The following HMCN1 variants were observed in gnomAD, a reference collection of about 807,000 sequenced individuals.
HMCN1 encodes hemicentin 1.
In HMCN1, 321 loss-of-function variants were observed where a neutral mutation model predicts 625.9. That is an observed-to-expected ratio of 0.51 (90% CI 0.47 to 0.56). The LOEUF is 0.56. HMCN1 is among the 20% of genes least tolerant of loss of function. The pLI, the probability that HMCN1 is intolerant of heterozygous loss-of-function variation, is 0.00. For synonymous variants in HMCN1, 2,425 were observed against 2,417.6 expected (o/e 1.00, Z -0.09); for missense variants, 6,588 against 6,887.3 (o/e 0.96, Z 1.54).
At chr1:185,790,161 C>A (rs1245001056) in intron 1 of HMCN1, among the ~76,000 whole-genome samples, 1 of 152,232 alleles carries the variant, frequency 6.6e-6, no homozygotes, top group Non-Finnish European at 1.5e-5. Flanking sequence ...CTACAACTAA[C>A]AAGCCCTTCA....
intron 1 of HMCN1, among the ~76,000 whole-genome samples, chr1:185,826,686 A>G (rs755890379): frequency 1.3e-5 from 2 of 152,286 alleles, no homozygotes; most frequent in Non-Finnish European, 2.9e-5. Flanking sequence ...TGCAGTAGAG[A>G]AAGGATAGTT....
intron 36 of HMCN1, among the ~76,000 whole-genome samples, chr1:186,035,350 T>G (rs1182147378): frequency 6.6e-6 from 1 of 152,186 alleles, no homozygotes; most frequent in Non-Finnish European, 1.5e-5. Flanking sequence ...GGACATCTAC[T>G]TCTGAAAACA....
intron 4 of HMCN1, among the ~76,000 whole-genome samples, chr1:185,867,797 G>A (rs554110361): frequency 3.5e-4 from 53 of 152,292 alleles, no homozygotes; most frequent in Non-Finnish European, 6.5e-4. Flanking sequence ...CAGGCTGAGC[G>A]CAGTGGCTCA....
Position 186,106,944 on chromosome 1 carries a change from G to A in HMCN1, c.10831G>A (p.Glu3611Lys). The change falls in exon 70 of 107, where the codon GAA becomes AAA. Residue 3611 changes from glutamate to lysine, a missense_variant. Glu to Lys is a moderately conservative substitution (Grantham distance 56, BLOSUM62 1). This residue lies in a region of HMCN1 where 4,628 missense variants were observed against 4,853.1 expected (regional missense o/e 0.95). Coordinates refer to ENST00000271588, the MANE Select transcript of HMCN1 (RefSeq NM_031935.3). Reference protein sequence around the residue: ...ASSPAGDDDKEYLVRVHVPPN... With the variant: ...ASSPAGDDDKKYLVRVHVPPN... ...CAGTCCTGCAGGAGATGATGATAAGGAATATCTAGTGAGAGTGCATGGTAA... is the reference window on the plus strand; with the variant it reads ...CAGTCCTGCAGGAGATGATGATAAGAAATATCTAGTGAGAGTGCATGGTAA... 6.2e-7 allele frequency: 1 copy of A among 1,610,888 alleles called. No individual in the cohort carries two copies.
chr1:186,065,024 A>T (rs1393122065), intron 48 of HMCN1, among the ~76,000 whole-genome samples: 1 of 152,140 alleles, frequency 6.6e-6, no homozygotes. Flanking sequence ...TACATTTGAA[A>T]ATGATTTATA....
intron 26 of HMCN1, among the ~76,000 whole-genome samples, chr1:186,000,503 A>G (rs1478507571): frequency 6.6e-6 from 1 of 151,286 alleles, no homozygotes; most frequent in African/African-American, 2.4e-5. Flanking sequence ...CCATCTACTT[A>G]TCCTCTATTT....
In HMCN1 at chr1:186,067,848, G is replaced by C; in HGVS notation, c.7720G>C (p.Ala2574Pro). The C allele has an allele frequency of 1.2e-6, 2 of 1,610,804 alleles. No homozygotes were observed. Among genetic ancestry groups the C allele is most frequent in the Non-Finnish European group, 1.7e-6 (2 of 1,177,114 alleles). ...SLNVFVSPTI[A>P]GVGSDGNPED... ...ATCTTTTTCAGTATCTCCTACAATTGCTGGTGTAGGTAGTGATGGCAACCC... is the reference window on the plus strand; with the variant it reads ...ATCTTTTTCAGTATCTCCTACAATTCCTGGTGTAGGTAGTGATGGCAACCC... The change falls in exon 50 of 107, where the codon GCT becomes CCT. Residue 2574 changes from alanine (A) to proline (P), a missense_variant. This residue lies in a region of HMCN1 where 4,628 missense variants were observed against 4,853.1 expected (regional missense o/e 0.95). Coordinates refer to ENST00000271588, the MANE Select transcript of HMCN1 (RefSeq NM_031935.3).
intron 4 of HMCN1, among the ~76,000 whole-genome samples, chr1:185,880,874 T>A (rs537539297): frequency 6.6e-6 from 1 of 152,224 alleles, no homozygotes; most frequent in Non-Finnish European, 1.5e-5. Flanking sequence ...GATAGCTTTA[T>A]CATGTGCAGG....
chr1:185,988,767 T>C (rs1652177806), intron 20 of HMCN1, among the ~76,000 whole-genome samples: 1 of 152,170 alleles, frequency 6.6e-6, no homozygotes, highest in Admixed American at 6.5e-5. Context: ...GGCAAATTAC[T>C]CTACTCCCCT....
At chr1:186,161,985 G>A (rs1651520606) in intron 97 of HMCN1, among the ~76,000 whole-genome samples, 1 of 152,150 alleles carries the variant, frequency 6.6e-6, no homozygotes, top group Non-Finnish European at 1.5e-5. Flanking sequence ...GATTGGGGAA[G>A]TTCTCCTGGA....
intron 6 of HMCN1, among the ~76,000 whole-genome samples, chr1:185,914,745 T>C (rs1456312972): frequency 3.3e-5 from 5 of 151,948 alleles, no homozygotes; most frequent in African/African-American, 4.8e-5. Context: ...AATGTTCTTT[T>C]CTCTCTGGCT....
chr1:185,988,880 G>A (rs926213962), intron 20 of HMCN1, among the ~76,000 whole-genome samples: 1 of 152,116 alleles, frequency 6.6e-6, no homozygotes, highest in African/African-American at 2.4e-5. Flanking sequence ...TAAAGTGCTC[G>A]AAACAGAGTC....
chr1:186,189,170 ACTTGTTTCCAATATATATGCAGAAGCT>A (rs961674833), intron 106 of HMCN1, among the ~76,000 whole-genome samples: 10 of 152,218 alleles, frequency 6.6e-5, no homozygotes, highest in Admixed American at 2.0e-4. Flanking sequence ...TTTAAGAAGT[ACTTGTTTCCAATATATATGCAGAAGCT>A]CTTGTTTCCA....
intron 1 of HMCN1, among the ~76,000 whole-genome samples, chr1:185,775,549 A>G (rs1313815221): frequency 6.6e-6 from 1 of 152,218 alleles, no homozygotes; most frequent in East Asian, 1.9e-4. Flanking sequence ...TCACATATAA[A>G]CAGGCTGGCT....
intron 24 of HMCN1, among the ~76,000 whole-genome samples, chr1:185,996,065 T>C (rs927313586): frequency 6.6e-6 from 1 of 152,168 alleles, no homozygotes; most frequent in Admixed American, 6.6e-5. Flanking sequence ...ACAAACTTTA[T>C]TACATATTCA....
In HMCN1 at chr1:185,965,654, A is replaced by G; in HGVS notation, c.2099-148A>G. 3 of 691,960 alleles carry G rather than the reference A, an allele frequency of 4.3e-6. No homozygotes were observed. In the South Asian group the frequency reaches 4.7e-5, roughly 11 times the overall value. The allele number at this position is 691,960 out of a possible 1,614,324, so 42.9% of individuals were successfully genotyped here. A position where few individuals can be genotyped will look rare whatever the true frequency, so the allele number is the denominator to read the frequency against. ...CTTTTTATCACATACACCTATGTGCATGTGCATTACAAGAGTTTCTTTCGG... is the reference window on the plus strand; with the variant it reads ...CTTTTTATCACATACACCTATGTGCGTGTGCATTACAAGAGTTTCTTTCGG... On this transcript the variant is annotated intron_variant, in intron 13 of 106. Coordinates refer to ENST00000271588, the MANE Select transcript of HMCN1 (RefSeq NM_031935.3).
intron 4 of HMCN1, among the ~76,000 whole-genome samples, chr1:185,867,619 T>C (rs1170684948): frequency 6.6e-6 from 1 of 152,098 alleles, no homozygotes; most frequent in African/African-American, 2.4e-5. Context: ...GATAGAGTGT[T>C]GGGGCCAGTA....
At chr1:185,854,545 G>A (rs1055090702) in intron 2 of HMCN1, among the ~76,000 whole-genome samples, 4 of 152,046 alleles carry the variant, frequency 2.6e-5, no homozygotes, top group African/African-American at 9.7e-5. Flanking sequence ...TCTTTGGCAG[G>A]CATATTACAT....
chr1:185,984,442 T>A (rs773498939), intron 19 of HMCN1, 129 bp downstream of exon 19: 73 of 963,126 alleles, frequency 7.6e-5, no homozygotes, highest in Non-Finnish European at 1.1e-4. Flanking sequence ...TCCTATTTCT[T>A]GAACAATATC....
Sources: allele counts gnomAD v4.1 joint callset (sites outside exome capture counted in the v4.1 genomes callset), GRCh38; gene constraint gnomAD v4.1.1; regional missense constraint gnomAD v4.1.1; transcripts MANE v1.5; gene names NCBI Gene and HGNC (gene_info 2026-07-23, HGNC 2026-07-21).